Variants in PARPBP observed in about 807,000 individuals in gnomAD.
PARPBP encodes PCNA-interacting partner.
Under a neutral mutation model 50.0 loss-of-function variants are expected in PARPBP, and 52 were observed. The ratio of observed to expected loss-of-function variants is 1.04; its 90% CI spans 0.83 to 1.31. The LOEUF is 1.31. Ranked by LOEUF, PARPBP falls within the 50% of genes most tolerant of loss-of-function variation. The pLI is 0.00. For synonymous variants in PARPBP, 244 were observed against 232.1 expected (o/e 1.05, Z -0.47); for missense variants, 697 against 672.0 (o/e 1.04, Z -0.41).
rs146078629 is a variant in PARPBP at position 102,154,612 on chromosome 12, A to G, written c.495+636A>G. Among the ~76,000 whole-genome samples, 56 of 152,188 alleles carry G rather than the reference A, an allele frequency of 3.7e-4. No homozygotes were observed. The East Asian group carries it at 0.01, about 28-fold the overall frequency. On this transcript the variant is annotated intron_variant, in intron 4 of 10. Transcript: ENST00000327680. ...CATACCTTCTAAACTGTAACATCTC[A>G]TCAGATGGGTTTTATTTAACCCTCT... is the stretch of plus-strand genomic sequence containing the variant.
At chr12:102,145,706 A>G (rs1305219209) in intron 2 of PARPBP, among the ~76,000 whole-genome samples, 2 of 152,210 alleles carry the variant, frequency 1.3e-5, no homozygotes, top group East Asian at 3.8e-4. Flanking sequence ...CGTGGGATAG[A>G]TAGAAATTCT....
chr12:102,175,460 G>C, intron 6 of PARPBP, 23 bp from the exon 7 acceptor site: 1 of 1,572,172 alleles, frequency 6.4e-7, no homozygotes, highest in Non-Finnish European at 8.7e-7. Flanking sequence ...CTGCTATAGA[G>C]GCAATCTAAT....
At position 102,170,274 on chromosome 12, in the gene PARPBP, C is replaced by T. The variant is rs1012934827; in HGVS notation, c.821+4391C>T. On this transcript the variant is annotated intron_variant, in intron 6 of 10. Coordinates refer to ENST00000327680, the MANE Select transcript of PARPBP (RefSeq NM_017915.5). ...TGCACATTTACATTATACTGTCATG[C>T]GCCACTTGATGAGAATATGCTCTCA... Among the ~76,000 whole-genome samples the T allele has an allele frequency of 2.6e-5, 4 of 152,306 alleles. No homozygotes were observed. The East Asian group carries it at 5.8e-4, about 22-fold the overall frequency.
At chr12:102,148,488 T>G in intron 3 of PARPBP, 25 bp downstream of exon 3, 1 of 889,580 alleles carries the variant, frequency 1.1e-6, no homozygotes, top group Non-Finnish European at 1.7e-6. Flanking sequence ...AACAATTCTA[T>G]TTTAATCAAA....
chr12:102,184,047 A>G (rs796881522), intron 9 of PARPBP, among the ~76,000 whole-genome samples: 3 of 72,406 alleles, frequency 4.1e-5, no homozygotes, highest in African/African-American at 1.7e-4. Flanking sequence ...ACTCTATCTG[A>G]AAAAAAAAAA....
intron 6 of PARPBP, among the ~76,000 whole-genome samples, chr12:102,166,163 G>T (rs1888120264): frequency 6.6e-6 from 1 of 152,016 alleles, no homozygotes; most frequent in African/African-American, 2.4e-5. Flanking sequence ...AGATTTTTGA[G>T]GACTGGCAAT....
intron 2 of PARPBP, among the ~76,000 whole-genome samples, chr12:102,129,109 C>G (rs1225138635): frequency 3.9e-5 from 6 of 152,104 alleles, no homozygotes; most frequent in African/African-American, 1.4e-4. Flanking sequence ...TTGGAAATGT[C>G]TATTCAGATC....
intron 4 of PARPBP, among the ~76,000 whole-genome samples, chr12:102,157,159 T>C (rs1459555962): frequency 6.6e-6 from 1 of 152,228 alleles, no homozygotes; most frequent in Non-Finnish European, 1.5e-5. Flanking sequence ...AATACTCTTG[T>C]ATGTCTCTTG....
intron 1 of PARPBP, among the ~76,000 whole-genome samples, chr12:102,121,169 C>T (rs1881000565): frequency 6.6e-6 from 1 of 152,200 alleles, no homozygotes; most frequent in Non-Finnish European, 1.5e-5. Context: ...TAGGCTCCCA[C>T]AGCCAGCTAG....
At chr12:102,182,033 G>A (rs895263814) in intron 8 of PARPBP, among the ~76,000 whole-genome samples, 10 of 152,202 alleles carry the variant, frequency 6.6e-5, no homozygotes, top group Admixed American at 6.5e-4. Context: ...ACCACAGATG[G>A]TCCCCAACTT....
At chr12:102,128,739 T>G (rs1295043480) in intron 2 of PARPBP, among the ~76,000 whole-genome samples, 1 of 152,202 alleles carries the variant, frequency 6.6e-6, no homozygotes, top group East Asian at 1.9e-4. Flanking sequence ...GATGGATACT[T>G]AGGTTGATTC....
rs192265450 is a variant in PARPBP at position 102,134,003 on chromosome 12, T to C, written c.153+9962T>C. Among the ~76,000 whole-genome samples, 65 of 151,310 alleles carry C rather than the reference T, an allele frequency of 4.3e-4. No homozygotes were observed. The East Asian group carries it at 0.012, about 27-fold the overall frequency. ...AAGCTTATAGCAATAAACACCTACA[T>C]TGAAAGAAAAAAAGATCTTTAATAA... On this transcript the variant is annotated intron_variant, in intron 2 of 10. Coordinates refer to ENST00000327680, the MANE Select transcript of PARPBP (RefSeq NM_017915.5).
At chr12:102,174,151 A>G (rs1218180181) in intron 6 of PARPBP, among the ~76,000 whole-genome samples, 1 of 151,796 alleles carries the variant, frequency 6.6e-6, no homozygotes, top group Non-Finnish European at 1.5e-5. Context: ...TGATTTTTTC[A>G]TGACTTTTTT....
chr12:102,133,995 C>T (rs2137584833), intron 2 of PARPBP, among the ~76,000 whole-genome samples: 1 of 151,666 alleles, frequency 6.6e-6, no homozygotes, highest in Non-Finnish European at 1.5e-5. Context: ...TAGCAATAAA[C>T]ACCTACATTG....
intron 9 of PARPBP, among the ~76,000 whole-genome samples, chr12:102,185,826 G>A (rs1890248812): frequency 6.6e-6 from 1 of 151,942 alleles, no homozygotes; most frequent in Non-Finnish European, 1.5e-5. Context: ...GCTAGTTTTT[G>A]TATTTTTAGA....
chr12:102,160,227 C>CT lies in PARPBP; in HGVS notation c.496-4210dup, dbSNP rs1435840562. Among the ~76,000 whole-genome samples the CT allele has an allele frequency of 1.1e-4, 17 of 152,270 alleles. No homozygotes were observed. In the East Asian group the frequency reaches 3.1e-3, roughly 28 times the overall value. On this transcript the variant is annotated intron_variant, in intron 4 of 10. Transcript: ENST00000327680. ...GCAGCCATGAGCTAAAAGAAACACT[C>CT]TAACTGTGAGGACTCCAAGATGTTT...
intron 2 of PARPBP, among the ~76,000 whole-genome samples, chr12:102,139,063 A>G (rs968662371): frequency 1.3e-5 from 2 of 152,194 alleles, no homozygotes; most frequent in African/African-American, 4.8e-5. Flanking sequence ...CATTAAATCT[A>G]TAAATTACCT....
chr12:102,141,394 G>A (rs1884576225), intron 2 of PARPBP, among the ~76,000 whole-genome samples: 1 of 151,926 alleles, frequency 6.6e-6, no homozygotes, highest in South Asian at 2.1e-4. Flanking sequence ...CATGTGAGAT[G>A]GGTCTCCTGA....
At chr12:102,194,457 T>C (rs539940744) in intron 9 of PARPBP, among the ~76,000 whole-genome samples, 1 of 152,090 alleles carries the variant, frequency 6.6e-6, no homozygotes, top group African/African-American at 2.4e-5. Flanking sequence ...ATTGTTGAAA[T>C]TGGCATTATT....
Sources: allele counts gnomAD v4.1 joint callset (sites outside exome capture counted in the v4.1 genomes callset), GRCh38; gene constraint gnomAD v4.1.1; transcripts MANE v1.5; gene names NCBI Gene and HGNC (gene_info 2026-07-23, HGNC 2026-07-21).